The following ACADVL variants were observed in gnomAD, a reference collection of about 807,000 sequenced individuals.
ACADVL encodes acyl-CoA dehydrogenase very long chain.
A neutral mutation model predicts 80.4 loss-of-function variants in ACADVL; 73 were observed. The ratio of observed to expected loss-of-function variants is 0.91; its 90% confidence interval spans 0.75 to 1.10. The LOEUF (loss-of-function observed/expected upper bound fraction) is 1.10, where lower values mean the gene tolerates loss of function less well. Among genes scored for constraint, ACADVL ranks in the 50% least tolerant of loss-of-function variants. The probability of loss-of-function intolerance (pLI) is 0.00; values close to 1 mark genes in which losing one functional copy is unlikely to be tolerated. For missense variants in ACADVL, 878 were observed against 858.9 expected (o/e 1.02, Z -0.28); for synonymous variants, 392 against 326.5 (o/e 1.20, Z -2.16).
At chr17:7,224,276 G>A in intron 15 of ACADVL, 33 bp downstream of exon 15, 1 of 1,613,544 alleles carries the variant, frequency 6.2e-7, no homozygotes, top group South Asian at 1.1e-5. Context: ...GGGAGGGCAG[G>A]GTGGTGTATG....
upstream of ACADVL, chr17:7,218,788 T>C: frequency 2.5e-6 from 4 of 1,612,426 alleles, no homozygotes; most frequent in Non-Finnish European, 3.4e-6. Context: ...AGCCCCCCAC[T>C]TCGCTCCCAG....
At chr17:7,223,399 G>C (rs777567581) in intron 11 of ACADVL, 162 bp downstream of exon 11, 3 of 830,170 alleles carry the variant, frequency 3.6e-6, no homozygotes, top group South Asian at 1.5e-5. Context: ...TGCGAAGAGA[G>C]ACAGCAATGA....
chr17:7,218,684 A>G (rs373871231), upstream of ACADVL: 30 of 1,543,058 alleles, frequency 1.9e-5, no homozygotes, highest in African/African-American at 3.4e-4. Flanking sequence ...ATGCCAACAC[A>G]GGAAGATGAA....
intron 2 of ACADVL, 70 bp from the exon 3 acceptor site, chr17:7,220,394 C>G (rs2071138809): frequency 6.2e-7 from 1 of 1,605,512 alleles, no homozygotes; most frequent in African/African-American, 1.3e-5. Context: ...CCCCGCGCGG[C>G]TCTCGCCTGT....
chr17:7,218,334 C>T, upstream of ACADVL: 2 of 1,564,158 alleles, frequency 1.3e-6, no homozygotes, highest in Non-Finnish European at 1.7e-6. Context: ...TCTCCAGGCA[C>T]ATCACCCCTG....
upstream of ACADVL, chr17:7,218,767 C>G: frequency 1.2e-6 from 2 of 1,602,658 alleles, no homozygotes; most frequent in Non-Finnish European, 1.7e-6. Context: ...GGAGAAGGAT[C>G]TCCGAGCCCC....
chr17:7,224,939 C>T lies in ACADVL; in HGVS notation c.1828-18C>T, dbSNP rs1051344486. 6.2e-7 allele frequency: 1 copy of T among 1,613,898 alleles called. No homozygotes were observed. The highest frequency in any genetic ancestry group is 8.5e-7 in the Non-Finnish European group (1 of 1,180,006). ...AGGGCTGGAGGTGCAGGCCCAACCC[C>T]TCCTTCCCTCTCCCCAGGCTGCAGC... On this transcript the variant is annotated intron_variant, in intron 19 of 19. Coordinates refer to ENST00000356839, the MANE Select transcript of ACADVL (RefSeq NM_000018.4).
In ACADVL at chr17:7,220,490, C is replaced by G; in HGVS notation, c.165C>G (p.His55Gln). Reference protein sequence around the residue: ...AQLALDKSDSHPSDALTRKKP... With the variant: ...AQLALDKSDSQPSDALTRKKP... ...TGGCTCTGGACAAGTCAGATTCCCACCCCTCTGACGCTCTGACCAGGAAAA... is the reference window on the plus strand; with the variant it reads ...TGGCTCTGGACAAGTCAGATTCCCAGCCCTCTGACGCTCTGACCAGGAAAA... The change falls in exon 3 of 20, where the codon CAC becomes CAG. Residue 55 changes from histidine to glutamine, a missense_variant. Coordinates refer to ENST00000356839, the MANE Select transcript of ACADVL (RefSeq NM_000018.4). The G allele has an allele frequency of 6.2e-7, 1 of 1,614,222 alleles. No homozygotes were observed. The highest frequency in any genetic ancestry group is 8.5e-7 in the Non-Finnish European group (1 of 1,180,044).
chr17:7,217,182 C>A, upstream of ACADVL: 1 of 1,276,118 alleles, frequency 7.8e-7, no homozygotes, highest in South Asian at 3.2e-5. Context: ...GGGTAAGGGG[C>A]TCTGACTTCA....
In ACADVL at chr17:7,220,936, C is replaced by G; in HGVS notation, c.355C>G (p.Pro119Ala). The change falls in exon 6 of 20, where the codon CCC (proline) becomes GCC (alanine). Residue 119 changes from proline (P) to alanine (A), a missense_variant. Pro to Ala is a conservative substitution (Grantham distance 27). Transcript: ENST00000356839. ...GTGCCTTCCCCAGGAAGTGAACGATCCCGCCAAGAATGACGCTCTGGAGAT... is the reference window on the plus strand; with the variant it reads ...GTGCCTTCCCCAGGAAGTGAACGATGCCGCCAAGAATGACGCTCTGGAGAT... Reference protein sequence around the residue: ...VSRFFEEVNDPAKNDALEMVE... With the variant: ...VSRFFEEVNDAAKNDALEMVE... 3 of 1,614,098 alleles carry G rather than the reference C, an allele frequency of 1.9e-6. No individual in the cohort carries two copies. Among genetic ancestry groups the G allele is most frequent in the Non-Finnish European group, 1.7e-6 (2 of 1,180,046 alleles).
At position 7,223,676 on chromosome 17, in the gene ACADVL, C is replaced by T. The variant is rs2071338251; in HGVS notation, c.1215C>T (p.Asp405=). ...CTTACATGGTGAGTGCTAACATGGACCAGGGAGCCACGGACTTCCAGATAG... is the reference window on the plus strand; with the variant it reads ...CTTACATGGTGAGTGCTAACATGGATCAGGGAGCCACGGACTTCCAGATAG... ...SMAYMVSANM[D]QGATDFQIEA... The change falls in exon 12 of 20, where the codon GAC becomes GAT. Residue 405 remains aspartate, a synonymous_variant. Transcript: ENST00000356839. 1 of 1,614,096 alleles carries T rather than the reference C, an allele frequency of 6.2e-7. No homozygotes were observed. Among genetic ancestry groups the T allele is most frequent in the Non-Finnish European group, 8.5e-7 (1 of 1,180,006 alleles).
chr17:7,219,140 C>T, upstream of ACADVL: 1 of 498,222 alleles, frequency 2.0e-6, no homozygotes. Flanking sequence ...GCTCTCTCTC[C>T]TCCTGGGCCT....
chr17:7,223,199 A>C lies in ACADVL; in HGVS notation c.1144A>C (p.Lys382Gln), dbSNP rs118204015. The change falls in exon 11 of 20, where the codon AAG (lysine) becomes CAG (glutamine). Residue 382 changes from lysine to glutamine, a missense_variant. Transcript: ENST00000356839. The part of the protein sequence containing the change: ...KIHNFGLIQE[K>Q]LARMVMLQYV... Reference sequence around the variant, plus strand: ...TCACAACTTTGGGCTGATCCAGGAGAAGCTGGCACGGATGGTTATGCTGCA... The same window carrying C: ...TCACAACTTTGGGCTGATCCAGGAGCAGCTGGCACGGATGGTTATGCTGCA... 3 of 1,613,956 alleles carry C rather than the reference A, an allele frequency of 1.9e-6. No individual in the cohort carries two copies. In the East Asian group the frequency reaches 6.7e-5, roughly 36 times the overall value.
chr17:7,222,246 CGTGAAGGAGAAGATCACAGCTTTT>C lies in ACADVL; in HGVS notation c.826_849del (p.Lys276_Val283del), dbSNP rs1555528367. ...CAGTTACAGATCCAGCCACAGGAGC[CGTGAAGGAGAAGATCACAGCTTTT>C]GTGGTGGAGAGGGGCTTCGGGGGCA... On this transcript the variant is annotated inframe_deletion, in exon 9 of 20. Transcript: ENST00000356839. 3 of 1,614,058 alleles carry C rather than the reference CGTGAAGGAGAAGATCACAGCTTTT, an allele frequency of 1.9e-6. No individual in the cohort carries two copies. Among genetic ancestry groups the C allele is most frequent in the Non-Finnish European group, 2.5e-6 (3 of 1,180,008 alleles).
rs374524648 is a variant in ACADVL at position 7,220,950 on chromosome 17, C to T, written c.369C>T (p.Asp123=). ...FEEVNDPAKN[D]ALEMVEETTW... ...AAGTGAACGATCCCGCCAAGAATGA[C>T]GCTCTGGAGATGGTGGAGGAGACCA... The change falls in exon 6 of 20, where the codon GAC becomes GAT. Residue 123 remains aspartate (D), a synonymous_variant. Transcript: ENST00000356839. The T allele has an allele frequency of 5.0e-5, 81 of 1,613,996 alleles. No homozygotes were observed. Among genetic ancestry groups the T allele is most frequent in the Non-Finnish European group, 6.4e-5 (75 of 1,180,048 alleles).
upstream of ACADVL, chr17:7,218,804 C>G (rs770851170): frequency 6.2e-7 from 1 of 1,613,656 alleles, no homozygotes; most frequent in African/African-American, 1.3e-5. Context: ...CCCAGACCTC[C>G]CCTCCACAAG....
chr17:7,223,303 A>G lies in ACADVL; in HGVS notation c.1182+66A>G, dbSNP rs746854596. 4.2e-6 allele frequency: 6 copies of G among 1,429,856 alleles called. No individual in the cohort carries two copies. The African/African-American group carries it at 8.5e-5, about 20-fold the overall frequency. 88.6% of individuals were successfully genotyped at this position (1,429,856 alleles called of 1,614,324 possible). On this transcript the variant is annotated intron_variant, in intron 11 of 19. Transcript: ENST00000356839. ...TTTCTTCCCAGTCGGGTCAGACTAC[A>G]ACCCCCAGCAGCACCTGGGGCAGTG...
intron 17 of ACADVL, 37 bp from the exon 18 acceptor site, chr17:7,224,605 T>G: frequency 6.4e-7 from 1 of 1,572,990 alleles, no homozygotes; most frequent in Non-Finnish European, 8.6e-7. Flanking sequence ...TTGAGACTAA[T>G]GCCCCCACCC....
upstream of ACADVL, chr17:7,219,616 C>T (rs1365520312): frequency 2.5e-6 from 3 of 1,189,766 alleles, no homozygotes; most frequent in East Asian, 5.1e-5. Flanking sequence ...CCTACTTTTC[C>T]CTTCTAACCC....
Sources: allele counts gnomAD v4.1 joint callset, GRCh38; gene constraint gnomAD v4.1.1; transcripts MANE v1.5; gene names NCBI Gene and HGNC (gene_info 2026-07-23, HGNC 2026-07-21).